The following PRKG1 variants were observed in gnomAD, a reference collection of about 807,000 sequenced individuals.
PRKG1 encodes cGMP-dependent protein kinase 1.
Under a neutral mutation model 88.1 loss-of-function variants are expected in PRKG1, and 35 were observed. The ratio of observed to expected loss-of-function variants is 0.40; its 90% CI spans 0.30 to 0.53. PRKG1 has a LOEUF of 0.53. PRKG1 is among the 20% of genes least tolerant of loss of function. The pLI is 0.59. For missense variants in PRKG1, 540 were observed against 839.8 expected (o/e 0.64, Z 4.41); for synonymous variants, 303 against 292.5 (o/e 1.04, Z -0.37).
intron 2 of PRKG1, among the ~76,000 whole-genome samples, chr10:51,358,029 C>T (rs1477931196): frequency 1.3e-5 from 2 of 151,732 alleles, no homozygotes; most frequent in Admixed American, 6.6e-5. Flanking sequence ...TACGCCAAAA[C>T]TTAGTGGCTT....
chr10:51,550,700 A>G lies in PRKG1; in HGVS notation c.592+82864A>G, dbSNP rs1201117252. Among the ~76,000 whole-genome samples the G allele has an allele frequency of 2.0e-5, 3 of 151,990 alleles. No individual in the cohort carries two copies. The East Asian group carries it at 5.8e-4, about 29-fold the overall frequency. ...AGGTTCCATGGCTTATACGAAAGAT[A>G]TGGGCCATTCTTCCTCAAAGCAGCT... On this transcript the variant is annotated intron_variant, in intron 3 of 17. Coordinates refer to ENST00000373980, the MANE Select transcript of PRKG1 (RefSeq NM_006258.4).
chr10:52,061,999 G>A (rs1846246856), intron 6 of PRKG1, among the ~76,000 whole-genome samples: 1 of 151,930 alleles, frequency 6.6e-6, no homozygotes, highest in South Asian at 2.1e-4. Context: ...CAATATAATT[G>A]CCAATTTATA....
chr10:52,035,850 G>A (rs1845594825), intron 5 of PRKG1, among the ~76,000 whole-genome samples: 1 of 152,220 alleles, frequency 6.6e-6, no homozygotes, highest in Non-Finnish European at 1.5e-5. Context: ...GGGAGCCGCT[G>A]CACGCAGACA....
intron 3 of PRKG1, among the ~76,000 whole-genome samples, chr10:51,727,839 T>C (rs889710640): frequency 6.6e-6 from 1 of 152,172 alleles, no homozygotes; most frequent in African/African-American, 2.4e-5. Context: ...TAAAAGAGTA[T>C]TCATTAATAT....
intron 1 of PRKG1, among the ~76,000 whole-genome samples, chr10:51,022,050 A>AT (rs1476434591): frequency 6.6e-6 from 1 of 152,182 alleles, no homozygotes; most frequent in Admixed American, 6.5e-5. Flanking sequence ...ACATCTCTTT[A>AT]TTTTTATAAA....
chr10:52,247,675 C>G (rs1323036333), intron 9 of PRKG1, among the ~76,000 whole-genome samples: 1 of 152,034 alleles, frequency 6.6e-6, no homozygotes, highest in African/African-American at 2.4e-5. Context: ...CAGTTTAGCC[C>G]CTTTATATAG....
intron 7 of PRKG1, among the ~76,000 whole-genome samples, chr10:52,089,804 C>CGT (rs1847005473): frequency 1.5e-5 from 1 of 67,722 alleles, no homozygotes; most frequent in Non-Finnish European, 2.4e-5. Flanking sequence ...TTCTTTCCTT[C>CGT]TTTTTTTTTT....
rs959466009 is a variant in PRKG1 at position 51,029,078 on chromosome 10, A to G, written c.266+37434A>G. On this transcript the variant is annotated intron_variant, in intron 1 of 17. Transcript: ENST00000401604. ...CAAATAAAGCCATTTTGTTATTTCT[A>G]TCTTGGTGTCAGATATTAAATTTGC... Among the ~76,000 whole-genome samples, 8 of 152,128 alleles carry G rather than the reference A, an allele frequency of 5.3e-5. 1 individual carries two copies. The highest frequency in any genetic ancestry group is 7.2e-5 in the African/African-American group (3 of 41,440).
chr10:51,698,960 A>G, intron 3 of PRKG1: 2 of 1,614,236 alleles, frequency 1.2e-6, no homozygotes, highest in Non-Finnish European at 1.7e-6. Flanking sequence ...CAGTGGTGTG[A>G]CATGTATCTT....
At chr10:51,808,945 A>C (rs543323463) in intron 4 of PRKG1, among the ~76,000 whole-genome samples, 1 of 152,298 alleles carries the variant, frequency 6.6e-6, no homozygotes, top group South Asian at 2.1e-4. Flanking sequence ...AGGCTAAAAA[A>C]TGAGTGGCTC....
At chr10:51,275,340 T>C (rs1840086399) in intron 2 of PRKG1, among the ~76,000 whole-genome samples, 2 of 152,194 alleles carry the variant, frequency 1.3e-5, no homozygotes, top group South Asian at 2.1e-4. Flanking sequence ...AATATACTGG[T>C]AAATCACACT....
intron 3 of PRKG1, among the ~76,000 whole-genome samples, chr10:51,713,712 C>T (rs1444644324): frequency 2.6e-5 from 4 of 152,162 alleles, no homozygotes; most frequent in Non-Finnish European, 5.9e-5. Context: ...CATTTCCTAG[C>T]TTTAGAACTA....
chr10:51,125,362 A>T (rs903661194), intron 1 of PRKG1, among the ~76,000 whole-genome samples: 86 of 150,954 alleles, frequency 5.7e-4, no homozygotes, highest in African/African-American at 2.1e-3. Flanking sequence ...AAATTTATTT[A>T]AAAAATTATA....
chr10:51,247,355 C>T (rs538381794), intron 2 of PRKG1, among the ~76,000 whole-genome samples: 1 of 151,990 alleles, frequency 6.6e-6, no homozygotes, highest in East Asian at 1.9e-4. Context: ...GCATCTGAAA[C>T]TTAGATATCT....
intron 2 of PRKG1, among the ~76,000 whole-genome samples, chr10:51,254,382 G>A (rs1026687626): frequency 6.6e-6 from 1 of 151,870 alleles, no homozygotes; most frequent in Non-Finnish European, 1.5e-5. Context: ...TTAGTCATAA[G>A]GGAAATTATT....
At chr10:51,299,521 T>A (rs1384762594) in intron 2 of PRKG1, 1 of 467,922 alleles carries the variant, frequency 2.1e-6, no homozygotes, top group Non-Finnish European at 4.4e-6. Flanking sequence ...TTGCTCATTC[T>A]TTAAAGTAGG....
At chr10:52,129,421 C>G (rs1357459914) in intron 7 of PRKG1, among the ~76,000 whole-genome samples, 1 of 152,238 alleles carries the variant, frequency 6.6e-6, no homozygotes, top group African/African-American at 2.4e-5. Flanking sequence ...GAAATTTCTA[C>G]TATCACTCCT....
intron 5 of PRKG1, among the ~76,000 whole-genome samples, chr10:52,008,870 G>T (rs1478897219): frequency 6.6e-6 from 1 of 151,980 alleles, no homozygotes; most frequent in Non-Finnish European, 1.5e-5. Flanking sequence ...ATGCATGTTT[G>T]GTTCAACATA....
chr10:52,283,203 A>G (rs1371741816), intron 14 of PRKG1, among the ~76,000 whole-genome samples: 1 of 152,082 alleles, frequency 6.6e-6, no homozygotes, highest in Non-Finnish European at 1.5e-5. Flanking sequence ...TTAAGGAAAA[A>G]CAAGTTGGCA....
Sources: allele counts gnomAD v4.1 joint callset (sites outside exome capture counted in the v4.1 genomes callset), GRCh38; gene constraint gnomAD v4.1.1; transcripts MANE v1.5; gene names NCBI Gene and HGNC (gene_info 2026-07-23, HGNC 2026-07-21).